ENPP2: variants seen among roughly 807,000 people sequenced by gnomAD.
The protein encoded by ENPP2 is autotaxin.
In ENPP2, 51 loss-of-function variants were observed where a neutral mutation model predicts 120.2. The ratio of observed to expected loss-of-function variants is 0.42; its 90% CI spans 0.34 to 0.54. ENPP2 has a LOEUF of 0.54. Ranked by LOEUF, ENPP2 falls within the 20% of genes least tolerant of loss-of-function variation. The probability of loss-of-function intolerance (pLI) is 0.04; values close to 1 mark genes in which losing one functional copy is unlikely to be tolerated. For missense variants in ENPP2, 920 were observed against 1,066.5 expected (o/e 0.86, Z 1.91); for synonymous variants, 365 against 366.4 (o/e 1.00, Z 0.04).
At chr8:119,580,088 A>G in intron 19 of ENPP2, 28 bp downstream of exon 19, 1 of 1,567,504 alleles carries the variant, frequency 6.4e-7, no homozygotes, top group Non-Finnish European at 8.8e-7. Context: ...GAAAAACCTT[A>G]TCTGATTATT....
At chr8:119,639,795 T>C (rs1408885258), upstream of ENPP2, among the ~76,000 whole-genome samples, 2 of 152,240 alleles carry the variant, frequency 1.3e-5, no homozygotes. Context: ...GAGGCTATTG[T>C]GGGTACTAAA....
upstream of ENPP2, among the ~76,000 whole-genome samples, chr8:119,642,483 A>G (rs1428440521): frequency 2.0e-5 from 3 of 152,094 alleles, no homozygotes; most frequent in African/African-American, 7.2e-5. Flanking sequence ...TGTTTCCTCA[A>G]AAAAAAGATA....
At chr8:119,614,890 T>A (rs535356045) in intron 8 of ENPP2, among the ~76,000 whole-genome samples, 2 of 152,112 alleles carry the variant, frequency 1.3e-5, no homozygotes, top group African/African-American at 4.8e-5. Flanking sequence ...CTTCTGGGAG[T>A]CCAGCCTGAA....
At chr8:119,664,455 T>C (rs907492814) in intron 1 of ENPP2, among the ~76,000 whole-genome samples, 2 of 152,080 alleles carry the variant, frequency 1.3e-5, no homozygotes, top group Non-Finnish European at 2.9e-5. Flanking sequence ...ATGAAAATGA[T>C]TTGCAAGCCG....
At chr8:119,639,419 T>C (rs529422703), upstream of ENPP2, among the ~76,000 whole-genome samples, 7 of 152,330 alleles carry the variant, frequency 4.6e-5, no homozygotes, top group Non-Finnish European at 8.8e-5. Context: ...TTTCGCAAAA[T>C]TGTAACTAAC....
intron 2 of ENPP2, among the ~76,000 whole-genome samples, chr8:119,634,993 AC>A (rs1197903206): frequency 6.6e-6 from 1 of 152,226 alleles, no homozygotes; most frequent in Admixed American, 6.5e-5. Context: ...CTGAAATTTC[AC>A]ATAAAGCCCC....
intron 1 of ENPP2, among the ~76,000 whole-genome samples, chr8:119,670,078 C>T (rs918805384): frequency 1.3e-5 from 2 of 152,162 alleles, no homozygotes; most frequent in Non-Finnish European, 2.9e-5. Context: ...TGTCCCATGC[C>T]AGGTTCCAGG....
intron 1 of ENPP2, among the ~76,000 whole-genome samples, chr8:119,672,767 C>T (rs969248762): frequency 6.6e-6 from 1 of 152,206 alleles, no homozygotes; most frequent in Non-Finnish European, 1.5e-5. Context: ...GGAGATGATT[C>T]TGTCTCCTGG....
intron 8 of ENPP2, 47 bp from the exon 9 acceptor site, chr8:119,608,024 T>C (rs761234442): frequency 1.6e-5 from 23 of 1,413,866 alleles, no homozygotes; most frequent in Non-Finnish European, 2.3e-5. Flanking sequence ...TGTGTTTTTG[T>C]CAAAGAAGAA....
upstream of ENPP2, among the ~76,000 whole-genome samples, chr8:119,639,976 C>T (rs894631452): frequency 6.6e-6 from 1 of 152,126 alleles, no homozygotes; most frequent in Non-Finnish European, 1.5e-5. Context: ...TCTTCCGCAG[C>T]ACATGTGTTC....
At chr8:119,632,396 C>T (rs567115103) in intron 2 of ENPP2, among the ~76,000 whole-genome samples, 2 of 152,278 alleles carry the variant, frequency 1.3e-5, no homozygotes, top group East Asian at 3.9e-4. Flanking sequence ...TTGCTAATAC[C>T]TTTATGAGAT....
Position 119,626,583 on chromosome 8 carries a change from C to T in ENPP2, c.274G>A (p.Glu92Lys), listed in dbSNP as rs149934124. 6.2e-7 allele frequency: 1 copy of T among 1,613,988 alleles called. No homozygotes were observed. Among genetic ancestry groups the T allele is most frequent in the African/African-American group, 1.3e-5 (1 of 75,038 alleles). ...SYTSCCHDFD[E>K]LCLKTARGWE... is the part of the protein sequence containing the mutation. ...TACGTACCTGTCTTCAAACACAGCT[C>T]ATCAAAGTCATGGCAGCAACTGGTA... Residue 92 changes from glutamate to lysine, a missense_variant, in exon 3 of 25, where the codon GAG (glutamate) becomes AAG (lysine). Glu to Lys is a moderately conservative substitution (Grantham distance 56, BLOSUM62 1). Transcript: ENST00000075322.
At chr8:119,650,559 C>T (rs141885336) in intron 1 of ENPP2, among the ~76,000 whole-genome samples, 207 of 152,256 alleles carry the variant, frequency 1.4e-3, no homozygotes, top group African/African-American at 4.8e-3. Flanking sequence ...TCTGGATGCA[C>T]AGAAAAGGAA....
chr8:119,673,298 C>T (rs893151575), exon 1 of ENPP2: 7 of 1,535,178 alleles, frequency 4.6e-6, no homozygotes, highest in Non-Finnish European at 6.1e-6. Flanking sequence ...GCGTCTGTTC[C>T]TGCCCGGGCG....
intron 13 of ENPP2, among the ~76,000 whole-genome samples, chr8:119,588,202 C>T (rs540066580): frequency 5.9e-4 from 90 of 152,046 alleles, no homozygotes; most frequent in African/African-American, 2.0e-3. Flanking sequence ...AATAATAGCC[C>T]GAATAGATTT....
At chr8:119,598,250 A>C (rs1218628607) in intron 11 of ENPP2, among the ~76,000 whole-genome samples, 1 of 152,210 alleles carries the variant, frequency 6.6e-6, no homozygotes, top group Non-Finnish European at 1.5e-5. Context: ...CCTTTGCCTT[A>C]TGAGAAGAAA....
chr8:119,634,494 G>C (rs144631932), intron 2 of ENPP2, among the ~76,000 whole-genome samples: 2,569 of 151,346 alleles, frequency 0.017, 45 homozygotes, highest in Non-Finnish European at 0.023. Context: ...TTAATTAAAT[G>C]AATTATCATA....
At chr8:119,587,734 G>A (rs1389771606) in intron 13 of ENPP2, among the ~76,000 whole-genome samples, 1 of 152,186 alleles carries the variant, frequency 6.6e-6, no homozygotes, top group Non-Finnish European at 1.5e-5. Context: ...ATAAACTGTG[G>A]ACAGGATTAT....
At chr8:119,639,987 G>C (rs779264892), upstream of ENPP2, among the ~76,000 whole-genome samples, 1 of 152,100 alleles carries the variant, frequency 6.6e-6, no homozygotes, top group African/African-American at 2.4e-5. Flanking sequence ...ACATGTGTTC[G>C]TGCGTAAACA....
Sources: gnomAD v4.1 joint callset for allele counts (sites outside exome capture counted in the v4.1 genomes callset) on GRCh38, gnomAD v4.1.1 for gene constraint, MANE v1.5 for transcripts, NCBI Gene and HGNC (gene_info 2026-07-23, HGNC 2026-07-21) for gene names.